SCOC: variants seen among roughly 807,000 people sequenced by gnomAD.
SCOC encodes the protein short coiled coil protein.
Under a neutral mutation model 9.9 loss-of-function variants are expected in SCOC, and 7 were observed. That is an observed-to-expected ratio of 0.71 (90% confidence interval 0.40 to 1.33). The LOEUF (loss-of-function observed/expected upper bound fraction) is 1.33. SCOC is among the 40% of genes most tolerant of loss of function. The pLI, the probability that SCOC is intolerant of heterozygous loss-of-function variation, is 0.01. For synonymous variants in SCOC, 19 were observed against 28.2 expected (o/e 0.67, Z 1.03); for missense variants, 66 against 89.7 (o/e 0.74, Z 1.07).
At chr4:140,356,581 T>A (rs1436874369) in intron 2 of SCOC, among the ~76,000 whole-genome samples, 1 of 152,250 alleles carries the variant, frequency 6.6e-6, no homozygotes, top group Non-Finnish European at 1.5e-5. Context: ...GAGCAGTCAT[T>A]GTGTAAAATG....
intron 2 of SCOC, among the ~76,000 whole-genome samples, chr4:140,364,392 A>G (rs2126563896): frequency 6.6e-6 from 1 of 152,358 alleles, no homozygotes; most frequent in African/African-American, 2.4e-5. Flanking sequence ...ACAAGTTTCC[A>G]GATGCCATTA....
chr4:140,295,650 T>A (rs1731603275), intron 1 of SCOC, among the ~76,000 whole-genome samples: 2 of 152,022 alleles, frequency 1.3e-5, no homozygotes, highest in African/African-American at 4.8e-5. Context: ...TGCATGAAAA[T>A]CACCTGGAGC....
intron 2 of SCOC, among the ~76,000 whole-genome samples, chr4:140,364,473 GA>G (rs1299897144): frequency 6.6e-6 from 1 of 151,682 alleles, no homozygotes; most frequent in East Asian, 1.9e-4. Context: ...CCCTATTCTG[GA>G]AAAAAAATCC....
intron 1 of SCOC, chr4:140,374,151 G>A (rs908893395): frequency 1.5e-5 from 7 of 462,336 alleles, no homozygotes; most frequent in African/African-American, 1.4e-4. Context: ...GGAGGCTGAG[G>A]TGGGGAGGGA....
chr4:140,340,780 T>C (rs1726482589), upstream of SCOC, among the ~76,000 whole-genome samples: 1 of 131,220 alleles, frequency 7.6e-6, no homozygotes, highest in South Asian at 2.5e-4. Flanking sequence ...CAATGCTGCC[T>C]AACTTTTTTT....
At chr4:140,308,668 CACTG>C (rs1732061407) in intron 1 of SCOC, among the ~76,000 whole-genome samples, 1 of 152,220 alleles carries the variant, frequency 6.6e-6, no homozygotes, top group Admixed American at 6.5e-5. Context: ...CACTCACATT[CACTG>C]AGAGTTGATG....
At chr4:140,271,270 T>TG (rs1383979318) in intron 1 of SCOC, among the ~76,000 whole-genome samples, 1 of 152,022 alleles carries the variant, frequency 6.6e-6, no homozygotes, top group Admixed American at 6.6e-5. Flanking sequence ...TGGGCAAAAC[T>TG]GGGGAGAAAG....
At chr4:140,334,615 C>T (rs942038672) in intron 1 of SCOC, among the ~76,000 whole-genome samples, 17 of 151,876 alleles carry the variant, frequency 1.1e-4, no homozygotes, top group Non-Finnish European at 1.8e-4. Context: ...TGAGTTCTAC[C>T]GTCTGAACAA....
chr4:140,283,300 T>C (rs1468866537), intron 1 of SCOC, among the ~76,000 whole-genome samples: 2 of 152,200 alleles, frequency 1.3e-5, no homozygotes, highest in Non-Finnish European at 2.9e-5. Flanking sequence ...GCTCAATTGA[T>C]CAAAATGATA....
rs187027217 is a variant in SCOC, at chr4:140,322,178, C to T, written c.-18-21443C>T. On this transcript the variant is annotated intron_variant, in intron 1 of 4. Coordinates refer to the SCOC transcript ENST00000394205. Reference sequence around the variant, plus strand: ...AAACAGACTATGACAGAAATTGGTACGAGAGGAGTGAGGTGTTGCTGTAAT... The same window carrying T: ...AAACAGACTATGACAGAAATTGGTATGAGAGGAGTGAGGTGTTGCTGTAAT... Among the ~76,000 whole-genome samples, 64 of 152,178 alleles carry T rather than the reference C, an allele frequency of 4.2e-4. No individual in the cohort carries two copies. The East Asian group carries it at 5.2e-3, about 12-fold the overall frequency.
At chr4:140,313,816 ATATT>A (rs945210401) in intron 1 of SCOC, among the ~76,000 whole-genome samples, 3 of 152,196 alleles carry the variant, frequency 2.0e-5, no homozygotes, top group East Asian at 1.9e-4. Context: ...GATTAAGAGA[ATATT>A]TATTTAAGCA....
intron 1 of SCOC, among the ~76,000 whole-genome samples, chr4:140,267,674 A>C (rs1730758565): frequency 6.6e-6 from 1 of 151,976 alleles, no homozygotes; most frequent in Admixed American, 6.6e-5. Flanking sequence ...TCCAGCCTCC[A>C]CCCAGTGACG....
In SCOC at chr4:140,381,153, T is replaced by C; in HGVS notation, c.*49T>C. 6.5e-7 allele frequency: 1 copy of C among 1,534,592 alleles called. No individual in the cohort carries two copies. The highest frequency in any genetic ancestry group is 8.7e-7 in the Non-Finnish European group (1 of 1,149,164). On this transcript the variant is annotated 3_prime_UTR_variant, in exon 4 of 4. Coordinates refer to ENST00000608372, the MANE Select transcript of SCOC (RefSeq NM_001153484.2). ...TGGAATTGCTGCTGATCATTTTTTCTTTAAAACTTGGATAGATTCCAAAAG... is the reference window on the plus strand; with the variant it reads ...TGGAATTGCTGCTGATCATTTTTTCCTTAAAACTTGGATAGATTCCAAAAG...
chr4:140,283,735 C>T (rs1429070893), intron 1 of SCOC: 1 of 152,142 alleles, frequency 6.6e-6, no homozygotes, highest in African/African-American at 2.4e-5. Context: ...TGATTTATCC[C>T]ATTTTTAATC....
chr4:140,268,536 TA>T (rs1333492413), intron 1 of SCOC, among the ~76,000 whole-genome samples: 1 of 152,230 alleles, frequency 6.6e-6, no homozygotes, highest in Non-Finnish European at 1.5e-5. Context: ...GCTGCATGTT[TA>T]AATGACTTTT....
At chr4:140,374,758 A>G (rs921616763) in intron 1 of SCOC, among the ~76,000 whole-genome samples, 9 of 152,212 alleles carry the variant, frequency 5.9e-5, no homozygotes, top group Admixed American at 3.3e-4. Flanking sequence ...CATAATGGAA[A>G]AAGCATGGAC....
intron 1 of SCOC, among the ~76,000 whole-genome samples, chr4:140,276,780 A>C (rs1202493710): frequency 6.6e-6 from 1 of 152,120 alleles, no homozygotes; most frequent in African/African-American, 2.4e-5. Flanking sequence ...TAAAGCAAAA[A>C]AAAAACCATG....
intron 1 of SCOC, among the ~76,000 whole-genome samples, chr4:140,334,835 C>G (rs922772962): frequency 6.6e-6 from 1 of 152,170 alleles, no homozygotes; most frequent in Non-Finnish European, 1.5e-5. Flanking sequence ...GACATGATGG[C>G]TCACACCTGT....
intron 1 of SCOC, chr4:140,291,388 A>G (rs905112157): frequency 2.2e-6 from 1 of 456,636 alleles, no homozygotes; most frequent in Admixed American, 2.3e-5. Flanking sequence ...CATATACCTT[A>G]CCTTCTGCAG....
Sources: allele counts gnomAD v4.1 joint callset (sites outside exome capture counted in the v4.1 genomes callset), GRCh38; gene constraint gnomAD v4.1.1; transcripts MANE v1.5; gene names NCBI Gene and HGNC (gene_info 2026-07-23, HGNC 2026-07-21).